CACNA1D: variants seen among roughly 807,000 people sequenced by gnomAD.
CACNA1D encodes voltage-dependent L-type calcium channel subunit alpha-1D.
A neutral mutation model predicts 257.1 loss-of-function variants in CACNA1D; 55 were observed. That is an observed-to-expected ratio of 0.21 (90% CI 0.17 to 0.27). The LOEUF (loss-of-function observed/expected upper bound fraction) is 0.27, where lower values mean the gene tolerates loss of function less well. Ranked by LOEUF, CACNA1D falls within the 10% of genes least tolerant of loss-of-function variation. The probability of loss-of-function intolerance (pLI) is 1.00; values close to 1 mark genes in which losing one functional copy is unlikely to be tolerated. For missense variants in CACNA1D, 1,876 were observed against 2,784.0 expected, an observed-to-expected ratio of 0.67 and a Z score of 7.34; for synonymous variants, 980 against 1,014.9, an observed-to-expected ratio of 0.97 and a Z score of 0.65.
rs1045452240 is a variant in CACNA1D, at chr3:53,520,275, C to A, written c.483+18555C>A. On this transcript the variant is annotated intron_variant, in intron 3 of 47. Transcript: ENST00000350061. Reference sequence around the variant, plus strand: ...TACCACCAGCAACATGTGGAGGTTCCAATTTCTGTACGTCTTTGCTAACAC... The same window carrying A: ...TACCACCAGCAACATGTGGAGGTTCAAATTTCTGTACGTCTTTGCTAACAC... 8.5e-5 allele frequency among the ~76,000 whole-genome samples: 13 copies of A among 152,286 alleles called. No individual in the cohort carries two copies. The East Asian group carries it at 2.5e-3, about 29-fold the overall frequency.
At chr3:53,762,441 CGCCGT>C in intron 30 of CACNA1D, 1 of 422,626 alleles carries the variant, frequency 2.4e-6, no homozygotes, top group South Asian at 1.8e-5. Flanking sequence ...TGTTTCAAGT[CGCCGT>C]GTGGCGCGAT....
At chr3:53,776,822 G>A (rs749673396) in intron 36 of CACNA1D, 38 bp from the exon 37 acceptor site, 1 of 1,612,418 alleles carries the variant, frequency 6.2e-7, no homozygotes, top group Non-Finnish European at 8.5e-7. Context: ...GGGCCAGCTG[G>A]TACTGTTCCT....
intron 3 of CACNA1D, among the ~76,000 whole-genome samples, chr3:53,631,462 G>A (rs764808746): frequency 6.6e-6 from 1 of 152,140 alleles, no homozygotes; most frequent in Non-Finnish European, 1.5e-5. Flanking sequence ...TTTCCACCAT[G>A]TCTACAGTTG....
intron 3 of CACNA1D, among the ~76,000 whole-genome samples, chr3:53,519,132 C>G (rs2091456485): frequency 6.6e-6 from 1 of 152,216 alleles, no homozygotes; most frequent in Non-Finnish European, 1.5e-5. Flanking sequence ...AGTAAAGAGA[C>G]TCGGTTCTGG....
intron 3 of CACNA1D, among the ~76,000 whole-genome samples, chr3:53,615,210 G>A (rs115862430): frequency 1.3e-5 from 2 of 152,142 alleles, no homozygotes; most frequent in Non-Finnish European, 2.9e-5. Context: ...CTGGTAGAGG[G>A]ACCCAAACCT....
intron 8 of CACNA1D, among the ~76,000 whole-genome samples, chr3:53,678,707 T>C (rs1484493053): frequency 6.6e-6 from 1 of 152,120 alleles, no homozygotes; most frequent in Admixed American, 6.5e-5. Context: ...ATTCATGGGA[T>C]GGAGAATGTG....
chr3:53,512,593 G>T (rs1291400900), intron 3 of CACNA1D, among the ~76,000 whole-genome samples: 1 of 152,270 alleles, frequency 6.6e-6, no homozygotes, highest in Middle Eastern at 3.4e-3. Flanking sequence ...GAGACGAACC[G>T]CATGGGGATG....
intron 26 of CACNA1D, among the ~76,000 whole-genome samples, chr3:53,748,725 G>A (rs1009055268): frequency 1.3e-5 from 2 of 152,198 alleles, no homozygotes; most frequent in African/African-American, 2.4e-5. Context: ...AAAGTGTCTC[G>A]GGAAGCCTAT....
Position 53,751,051 on chromosome 3 carries a change from C to T in CACNA1D, c.3517-698C>T, listed in dbSNP as rs1419688330. Reference sequence around the variant, plus strand: ...TGTCGCTACAGTGCTCCAGCTGGGCCCCAACCTGTGTTCAATCCAGCTGTC... The same window carrying T: ...TGTCGCTACAGTGCTCCAGCTGGGCTCCAACCTGTGTTCAATCCAGCTGTC... On this transcript the variant is annotated intron_variant, in intron 27 of 47. Transcript: ENST00000350061. The surrounding 1 kb of genome is among the most constrained non-coding windows in gnomAD (Gnocchi z 4.3). 6.6e-6 allele frequency among the ~76,000 whole-genome samples: 1 copy of T among 152,124 alleles called. No homozygotes were observed. Among genetic ancestry groups the T allele is most frequent in the Admixed American group, 6.5e-5 (1 of 15,302 alleles).
intron 3 of CACNA1D, among the ~76,000 whole-genome samples, chr3:53,565,931 G>T (rs1441820748): frequency 6.6e-6 from 1 of 152,150 alleles, no homozygotes; most frequent in African/African-American, 2.4e-5. Flanking sequence ...AGAATGTGGA[G>T]TACACCCACC....
At chr3:53,670,624 C>T (rs1180380155) in intron 7 of CACNA1D, among the ~76,000 whole-genome samples, 3 of 152,152 alleles carry the variant, frequency 2.0e-5, no homozygotes, top group South Asian at 2.1e-4. Flanking sequence ...GGATTGCAGG[C>T]GTGAGCTGCT....
intron 3 of CACNA1D, among the ~76,000 whole-genome samples, chr3:53,634,153 G>C (rs886698626): frequency 2.0e-5 from 3 of 152,170 alleles, no homozygotes; most frequent in Non-Finnish European, 2.9e-5. Context: ...ACAGACTACA[G>C]AAATCAAGTG....
At chr3:53,578,334 G>A (rs2093073549) in intron 3 of CACNA1D, among the ~76,000 whole-genome samples, 1 of 152,104 alleles carries the variant, frequency 6.6e-6, no homozygotes, top group African/African-American at 2.4e-5. Context: ...TGGGGGCAGA[G>A]TGGGGTGGAA....
At chr3:53,787,780 A>G (rs1320455927) in intron 40 of CACNA1D, among the ~76,000 whole-genome samples, 1 of 152,160 alleles carries the variant, frequency 6.6e-6, no homozygotes, top group Non-Finnish European at 1.5e-5. Context: ...GCCGTGGATG[A>G]AGGAGGCAGG....
chr3:53,764,595 G>A (rs1464570754), intron 30 of CACNA1D, among the ~76,000 whole-genome samples: 2 of 152,198 alleles, frequency 1.3e-5, no homozygotes, highest in Non-Finnish European at 2.9e-5. Context: ...CAGGGGTGTA[G>A]CACCCATGTA....
At chr3:53,652,314 G>A (rs572902911) in intron 4 of CACNA1D, among the ~76,000 whole-genome samples, 2 of 152,296 alleles carry the variant, frequency 1.3e-5, no homozygotes, top group East Asian at 3.9e-4. Context: ...CTACAGCACA[G>A]CACAAGGACA....
chr3:53,718,108 G>A (rs1031524947), intron 9 of CACNA1D, among the ~76,000 whole-genome samples, 193 bp from the exon 10 acceptor site: 1 of 152,176 alleles, frequency 6.6e-6, no homozygotes, highest in African/African-American at 2.4e-5. Flanking sequence ...CAGGCCATGG[G>A]TGCAGAGACT....
At chr3:53,594,485 G>A (rs2093346476) in intron 3 of CACNA1D, among the ~76,000 whole-genome samples, 1 of 152,198 alleles carries the variant, frequency 6.6e-6, no homozygotes, top group Non-Finnish European at 1.5e-5. Context: ...TCAGCCTGGA[G>A]CTTCCATTCT....
At chr3:53,733,924 G>GTATGTT (rs1420014253) in intron 19 of CACNA1D, among the ~76,000 whole-genome samples, 4 of 85,042 alleles carry the variant, frequency 4.7e-5, no homozygotes, top group Non-Finnish European at 9.7e-5. Context: ...GTGTGTGTGT[G>GTATGTT]TGTGTTTGTG....
Sources: allele counts gnomAD v4.1 joint callset (sites outside exome capture counted in the v4.1 genomes callset), GRCh38; gene constraint gnomAD v4.1.1; non-coding constraint Gnocchi (gnomAD v3.1); transcripts MANE v1.5; gene names NCBI Gene and HGNC (gene_info 2026-07-23, HGNC 2026-07-21).